Variants in CACNA1A observed in about 807,000 individuals in gnomAD.
CACNA1A encodes the protein voltage-dependent P/Q-type calcium channel subunit alpha-1A.
CACNA1A carries 57 observed loss-of-function variants against 262.4 expected under a neutral mutation model. The ratio of observed to expected loss-of-function variants is 0.22; its 90% CI spans 0.18 to 0.27. CACNA1A has a LOEUF of 0.27. Among genes scored for constraint, CACNA1A ranks in the 10% least tolerant of loss-of-function variants. The probability of loss-of-function intolerance (pLI) is 1.00; values close to 1 mark genes in which losing one functional copy is unlikely to be tolerated. For missense variants in CACNA1A, 2,526 were observed against 3,562.8 expected, an observed-to-expected ratio of 0.71 and a Z score of 7.41; for synonymous variants, 1,431 against 1,419.3, an observed-to-expected ratio of 1.01 and a Z score of -0.18.
intron 19 of CACNA1A, among the ~76,000 whole-genome samples, chr19:13,290,990 G>A (rs900569581): frequency 8.5e-5 from 13 of 152,084 alleles, no homozygotes; most frequent in African/African-American, 3.1e-4. Context: ...TCTGTTTGTT[G>A]GGAAATTTTA....
chr19:13,208,752 C>T lies in CACNA1A; in HGVS notation c.6780+4G>A. On this transcript the variant is annotated splice_donor_region_variant and intron_variant, in intron 46 of 46. Coordinates refer to ENST00000360228, the MANE Select transcript of CACNA1A (RefSeq NM_001127222.2). ...AGCCTGGGGTCACTTGCAGCCGCAC[C>T]CACCTGCCGGTGCGCCATGTGCTCT... 1 of 1,572,824 alleles carries T rather than the reference C, an allele frequency of 6.4e-7. No homozygotes were observed. The highest frequency in any genetic ancestry group is 8.6e-7 in the Non-Finnish European group (1 of 1,165,688).
chr19:13,328,932 CT>C (rs77823875), intron 10 of CACNA1A, among the ~76,000 whole-genome samples: 49,267 of 151,674 alleles, frequency 0.32, 8,845 homozygotes, highest in East Asian at 0.81. Context: ...CTCCCTTCCT[CT>C]TTCTCTTGCC....
intron 1 of CACNA1A, among the ~76,000 whole-genome samples, chr19:13,469,395 T>C (rs2061307874): frequency 6.6e-6 from 1 of 151,134 alleles, no homozygotes; most frequent in Non-Finnish European, 1.5e-5. Flanking sequence ...CAGCTATGCA[T>C]GCTCAGAAGC....
Position 13,425,930 on chromosome 19 carries a change from C to T in CACNA1A, c.539+26946G>A, listed in dbSNP as rs112888537. Reference sequence around the variant, plus strand: ...AAAATTAGCTGGGTGTGGTGGCACACGCCTGTAATCCCAGCTACTCAGGAG... The same window carrying T: ...AAAATTAGCTGGGTGTGGTGGCACATGCCTGTAATCCCAGCTACTCAGGAG... On this transcript the variant is annotated intron_variant, in intron 3 of 46. Transcript: ENST00000360228. Among the ~76,000 whole-genome samples, 1,066 of 152,192 alleles carry T rather than the reference C, an allele frequency of 7.0e-3. 15 individuals carry two copies. The highest frequency in any genetic ancestry group is 0.024 in the African/African-American group (989 of 41,520).
rs71170507 is a variant in CACNA1A at position 13,402,873 on chromosome 19, CATATATATATATATATATATATATATAT to C, written c.540-31122_540-31095del. The stretch of plus-strand genomic sequence containing the variant: ...ATATATATATACACACACACACACA[CATATATATATATATATATATATATATAT>C]ATATATATATATATACTTGCAAGTG... On this transcript the variant is annotated intron_variant, in intron 3 of 46. Transcript: ENST00000360228. Among the ~76,000 whole-genome samples the C allele has an allele frequency of 9.8e-4, 71 of 72,814 alleles. 2 individuals are homozygous for C. Among genetic ancestry groups the C allele is most frequent in the Admixed American group, 3.1e-3 (20 of 6,390 alleles). 47.8% of individuals were successfully genotyped at this position (72,814 alleles called of 152,430 possible).
chr19:13,454,506 G>T lies in CACNA1A; in HGVS notation c.399+601C>A, dbSNP rs1391103309. On this transcript the variant is annotated intron_variant, in intron 2 of 46. Transcript: ENST00000360228. ...CTGCCTCAGCCTCCCAAGTAGCTGG[G>T]ATTACAGGTGTGCACCACCATATCC... is the stretch of plus-strand genomic sequence containing the variant. Among the ~76,000 whole-genome samples the T allele has an allele frequency of 3.3e-5, 5 of 152,080 alleles. No homozygotes were observed. In the South Asian group the frequency reaches 8.3e-4, roughly 25 times the overall value.
chr19:13,488,835 G>T (rs992179887), intron 1 of CACNA1A, among the ~76,000 whole-genome samples: 1 of 151,962 alleles, frequency 6.6e-6, no homozygotes, highest in Non-Finnish European at 1.5e-5. Flanking sequence ...GCTCCCAGGA[G>T]ATGCTAATTC....
At position 13,212,693 on chromosome 19, in the gene CACNA1A, C is replaced by G. The variant is rs17846933; in HGVS notation, c.5988G>C (p.Thr1996=). ...MFQRMEPPSP[T]QEGGPGQNAL... The stretch of plus-strand genomic sequence containing the variant: ...CGTTCTGGCCAGGTCCCCCTTCCTG[C>G]GTTGGGGACGGGGGCTCCATGCGCT... Residue 1996 remains threonine (T), a synonymous_variant, in exon 41 of 47, where the codon ACG becomes ACC. Transcript: ENST00000360228. This position sits in a 1 kb window ranked among gnomAD's most constrained non-coding sequence, Gnocchi z 5.6. 4.0e-6 allele frequency: 6 copies of G among 1,508,720 alleles called. No homozygotes were observed. The highest frequency in any genetic ancestry group is 5.3e-6 in the Non-Finnish European group (6 of 1,129,484). The allele number at this position is 1,508,720 out of a possible 1,614,324, so 93.5% of individuals were successfully genotyped here. A position where few individuals can be genotyped will look rare whatever the true frequency, so the allele number is the denominator to read the frequency against.
intron 44 of CACNA1A, 103 bp downstream of exon 44, chr19:13,210,510 AGGGT>A: frequency 1.1e-6 from 1 of 937,744 alleles, no homozygotes; most frequent in Non-Finnish European, 1.6e-6. Context: ...TGCCAAAGAA[AGGGT>A]GGGGTCCGGG....
intron 10 of CACNA1A, among the ~76,000 whole-genome samples, chr19:13,328,781 G>A (rs568303645): frequency 6.6e-4 from 101 of 152,114 alleles, no homozygotes; most frequent in African/African-American, 2.2e-3. Flanking sequence ...TGGAAATTAT[G>A]CCTAAACTCA....
intron 1 of CACNA1A, among the ~76,000 whole-genome samples, chr19:13,475,689 A>G (rs996748728): frequency 3.3e-5 from 5 of 152,228 alleles, no homozygotes; most frequent in African/African-American, 1.2e-4. Flanking sequence ...TAAATGGTCC[A>G]TGTCTTTTTG....
intron 17 of CACNA1A, among the ~76,000 whole-genome samples, chr19:13,301,843 T>C (rs541615147): frequency 7.9e-5 from 12 of 152,260 alleles, no homozygotes; most frequent in African/African-American, 2.9e-4. Flanking sequence ...AGAGACAACA[T>C]GGAGATGGGA....
chr19:13,338,016 G>A (rs901995887), intron 6 of CACNA1A, among the ~76,000 whole-genome samples: 1 of 152,132 alleles, frequency 6.6e-6, no homozygotes, highest in Non-Finnish European at 1.5e-5. Flanking sequence ...TCAGGAGATC[G>A]AGGCCATCCT....
intron 10 of CACNA1A, among the ~76,000 whole-genome samples, chr19:13,322,272 G>A (rs1403688394): frequency 6.6e-6 from 1 of 151,140 alleles, no homozygotes; most frequent in Non-Finnish European, 1.5e-5. Context: ...CAGAGGCAGA[G>A]ACTGGAATTA....
At chr19:13,315,129 TA>T (rs1251049886) in intron 11 of CACNA1A, 1 of 151,466 alleles carries the variant, frequency 6.6e-6, no homozygotes, top group African/African-American at 2.4e-5. Context: ...GAGAAACAAC[TA>T]CACTTCACTG....
rs1299193460 is a variant in CACNA1A, at chr19:13,310,448, C to G, written c.1669-1920G>C. Among the ~76,000 whole-genome samples, 11 of 72,254 alleles carry G rather than the reference C, an allele frequency of 1.5e-4. No individual in the cohort carries two copies. The South Asian group carries it at 3.4e-3, about 22-fold the overall frequency. 47.4% of individuals were successfully genotyped at this position (72,254 alleles called of 152,430 possible). A position where few individuals can be genotyped will look rare whatever the true frequency, so the allele number is the denominator to read the frequency against. On this transcript the variant is annotated intron_variant, in intron 12 of 46. Transcript: ENST00000360228. Reference sequence around the variant, plus strand: ...CCAGCCTGGGCAATAGAGTGAGACTCTGTCTCAAAAAAAAAAAAAAAAAAA... The same window carrying G: ...CCAGCCTGGGCAATAGAGTGAGACTGTGTCTCAAAAAAAAAAAAAAAAAAA...
chr19:13,370,439 G>GT (rs1007349896), intron 4 of CACNA1A, among the ~76,000 whole-genome samples: 3 of 148,454 alleles, frequency 2.0e-5, no homozygotes, highest in Non-Finnish European at 4.5e-5. Context: ...TTTGTTGTCT[G>GT]TTTTTTTGAG....
intron 11 of CACNA1A, among the ~76,000 whole-genome samples, chr19:13,313,329 C>T (rs951033559): frequency 6.6e-5 from 10 of 151,812 alleles, no homozygotes; most frequent in Admixed American, 4.6e-4. Context: ...TGGCAAACCC[C>T]GCCTCTACTA....
chr19:13,349,372 T>A (rs1022537746), intron 6 of CACNA1A, among the ~76,000 whole-genome samples: 1 of 151,946 alleles, frequency 6.6e-6, no homozygotes, highest in Admixed American at 6.5e-5. Context: ...CAAGAGAGGG[T>A]AGGTCCTGTA....
Sources: allele counts gnomAD v4.1 joint callset (sites outside exome capture counted in the v4.1 genomes callset), GRCh38; gene constraint gnomAD v4.1.1; non-coding constraint Gnocchi (gnomAD v3.1); transcripts MANE v1.5; gene names NCBI Gene and HGNC (gene_info 2026-07-23, HGNC 2026-07-21).